The following SNTG2 variants were observed in gnomAD, a reference collection of about 807,000 sequenced individuals.
The protein encoded by SNTG2 is gamma-2-syntrophin.
Under a neutral mutation model 70.9 loss-of-function variants are expected in SNTG2, and 74 were observed. The observed-to-expected ratio is 1.04, with a 90% CI of 0.86 to 1.27. SNTG2 has a LOEUF of 1.27. SNTG2 is among the 50% of genes most tolerant of loss of function. The pLI is 0.00. For synonymous variants in SNTG2, 278 were observed against 273.8 expected, an observed-to-expected ratio of 1.02 and a Z score of -0.15; for missense variants, 717 against 690.7, an observed-to-expected ratio of 1.04 and a Z score of -0.43.
At chr2:1,352,168 G>A (rs1660614007) in intron 16 of SNTG2, among the ~76,000 whole-genome samples, 1 of 152,176 alleles carries the variant, frequency 6.6e-6, no homozygotes, top group Non-Finnish European at 1.5e-5. Flanking sequence ...ATGCCCAACT[G>A]TAAAAATCAT....
intron 4 of SNTG2, among the ~76,000 whole-genome samples, chr2:1,123,096 C>T (rs1274634436): frequency 6.6e-6 from 1 of 152,052 alleles, no homozygotes; most frequent in East Asian, 1.9e-4. Context: ...ATTTTGGGCT[C>T]ATGTCTGGGC....
chr2:1,166,414 C>T (rs1670709568), intron 7 of SNTG2, among the ~76,000 whole-genome samples: 1 of 152,192 alleles, frequency 6.6e-6, no homozygotes, highest in African/African-American at 2.4e-5. Flanking sequence ...CTGTCACTCT[C>T]TCATGGGAAG....
At chr2:1,188,968 G>T (rs1029932370) in intron 8 of SNTG2, among the ~76,000 whole-genome samples, 4 of 152,106 alleles carry the variant, frequency 2.6e-5, no homozygotes, top group Middle Eastern at 3.4e-3. Flanking sequence ...TGAAATGGAG[G>T]TTCTGATAAG....
chr2:1,132,246 T>TACAC (rs777211543), intron 4 of SNTG2, among the ~76,000 whole-genome samples: 6 of 151,010 alleles, frequency 4.0e-5, no homozygotes, highest in African/African-American at 1.2e-4. Context: ...TGTATATATA[T>TACAC]ACACACACAC....
intron 1 of SNTG2, among the ~76,000 whole-genome samples, chr2:1,056,977 C>T (rs1481829307): frequency 7.5e-6 from 1 of 133,374 alleles, no homozygotes; most frequent in African/African-American, 2.9e-5. Flanking sequence ...AGGGAGAGCG[C>T]GGGGCCACCC....
intron 9 of SNTG2, among the ~76,000 whole-genome samples, 199 bp from the exon 10 acceptor site, chr2:1,237,689 C>T (rs1676757320): frequency 6.6e-6 from 1 of 152,226 alleles, no homozygotes; most frequent in Non-Finnish European, 1.5e-5. Context: ...AGAAGTAGCT[C>T]CTGTTACCAA....
chr2:1,351,747 C>A (rs956527500), intron 16 of SNTG2, among the ~76,000 whole-genome samples: 1 of 152,206 alleles, frequency 6.6e-6, no homozygotes, highest in South Asian at 2.1e-4. Context: ...ACCATTGAAG[C>A]CTTCATCCCA....
chr2:1,044,770 T>A (rs1661631982), intron 1 of SNTG2, among the ~76,000 whole-genome samples: 1 of 152,222 alleles, frequency 6.6e-6, no homozygotes, highest in African/African-American at 2.4e-5. Context: ...ACTTTTTTAA[T>A]GTGCTGCTGG....
At chr2:1,092,753 TAA>T (rs1665115615) in intron 2 of SNTG2, among the ~76,000 whole-genome samples, 1 of 152,184 alleles carries the variant, frequency 6.6e-6, no homozygotes, top group African/African-American at 2.4e-5. Context: ...GTATAATTGA[TAA>T]GTTATCTATG....
chr2:1,333,415 A>C (rs1327839070), intron 16 of SNTG2, among the ~76,000 whole-genome samples: 2 of 152,072 alleles, frequency 1.3e-5, no homozygotes, highest in African/African-American at 2.4e-5. Context: ...AAAATATCAT[A>C]ATTCTTCACA....
intron 8 of SNTG2, among the ~76,000 whole-genome samples, chr2:1,176,618 A>G (rs1671493751): frequency 6.6e-6 from 1 of 151,506 alleles, no homozygotes; most frequent in Non-Finnish European, 1.5e-5. Context: ...TCTAATATCC[A>G]GAATCTACAA....
intron 14 of SNTG2, among the ~76,000 whole-genome samples, chr2:1,285,799 T>C (rs1368316866): frequency 1.3e-5 from 2 of 152,020 alleles, no homozygotes; most frequent in Non-Finnish European, 1.5e-5. Context: ...TTTTTTTTCC[T>C]GATGGAAAGA....
In SNTG2 at chr2:951,018, C is replaced by T. The variant is rs950209493; in HGVS notation, c.22C>T (p.Pro8Ser). 33 of 1,264,036 alleles carry T rather than the reference C, an allele frequency of 2.6e-5. No homozygotes were observed. The highest frequency in any genetic ancestry group is 3.0e-4 in the Middle Eastern group (1 of 3,316). 78.3% of individuals were successfully genotyped at this position (1,264,036 alleles called of 1,614,324 possible). Residue 8 changes from proline (P) to serine (S), a missense_variant, in exon 1 of 17, where the codon CCC (proline) becomes TCC (serine). By Grantham distance (74) the Pro-to-Ser change is moderately conservative. Transcript: ENST00000308624. The stretch of plus-strand genomic sequence containing the variant: ...GGCGATGGGCACCGAGGGACCCCCG[C>T]CCCCGGCCGCCTCCCGCGGACGCCA... MGTEGPP[P>S]PAASRGRQGC...
At chr2:1,189,796 T>A (rs1175550526) in intron 8 of SNTG2, among the ~76,000 whole-genome samples, 1 of 151,998 alleles carries the variant, frequency 6.6e-6, no homozygotes, top group Non-Finnish European at 1.5e-5. Context: ...ATCCACCCAC[T>A]TTGGCCTCCC....
At chr2:1,010,684 G>C (rs1374682876) in intron 1 of SNTG2, among the ~76,000 whole-genome samples, 1 of 152,198 alleles carries the variant, frequency 6.6e-6, no homozygotes, top group African/African-American at 2.4e-5. Context: ...AGGATTGTTA[G>C]AACGTGATTG....
At chr2:1,117,137 G>C (rs936914870) in intron 4 of SNTG2, among the ~76,000 whole-genome samples, 1 of 151,988 alleles carries the variant, frequency 6.6e-6, no homozygotes, top group African/African-American at 2.4e-5. Flanking sequence ...AGGTGCTCTG[G>C]TGCGTGGGTG....
chr2:1,355,668 G>A (rs1660812479), intron 16 of SNTG2, among the ~76,000 whole-genome samples: 1 of 152,126 alleles, frequency 6.6e-6, no homozygotes, highest in African/African-American at 2.4e-5. Context: ...GTCTCTCTTG[G>A]AGATACTGAT....
intron 1 of SNTG2, among the ~76,000 whole-genome samples, chr2:989,652 A>G (rs1049543124): frequency 2.0e-5 from 3 of 152,304 alleles, no homozygotes; most frequent in Admixed American, 6.5e-5. Flanking sequence ...ATAATCCCCA[A>G]TTTTCTCTCA....
rs986127027 is a variant in SNTG2 at position 1,367,359 on chromosome 2, A to G, written c.1505A>G (p.Asp502Gly). The change falls in exon 17 of 17, where the codon GAC becomes GGC. Residue 502 changes from aspartate (D) to glycine (G), a missense_variant. Coordinates refer to ENST00000308624, the MANE Select transcript of SNTG2 (RefSeq NM_018968.4). ...QIETKELEFQ[D>G]LRAVLHCIHS... ...CTCCTCCAGGAACTCGAGTTCCAGG[A>G]CCTGAGGGCTGTCCTGCACTGCATC... The G allele has an allele frequency of 2.6e-6, 4 of 1,542,348 alleles. No homozygotes were observed. Among genetic ancestry groups the G allele is most frequent in the Non-Finnish European group, 3.5e-6 (4 of 1,143,748 alleles).
Sources: allele counts gnomAD v4.1 joint callset (sites outside exome capture counted in the v4.1 genomes callset), GRCh38; gene constraint gnomAD v4.1.1; transcripts MANE v1.5; gene names NCBI Gene and HGNC (gene_info 2026-07-23, HGNC 2026-07-21).